Variants in RBFOX1 observed in about 807,000 individuals in gnomAD.
RBFOX1 encodes the protein RNA binding protein fox-1 homolog 1.
Under a neutral mutation model 57.7 loss-of-function variants are expected in RBFOX1, and 8 were observed. That is an observed-to-expected ratio of 0.14 (90% CI 0.08 to 0.25). The LOEUF (loss-of-function observed/expected upper bound fraction) is 0.25. Among genes scored for constraint, RBFOX1 ranks in the 10% least tolerant of loss-of-function variants. RBFOX1 has a pLI of 1.00. For missense variants in RBFOX1, 611 were observed against 548.5 expected (o/e 1.11, Z -1.14); for synonymous variants, 326 against 222.4 (o/e 1.47, Z -4.15).
intron 11 of RBFOX1, 34 bp from the exon 12 acceptor site, chr16:7,653,781 G>A (rs1272558697): frequency 6.5e-7 from 1 of 1,529,588 alleles, no homozygotes. Flanking sequence ...CTGACAGCCT[G>A]TGCTCTCTCT....
chr16:7,492,554 C>T (rs912126791), intron 4 of RBFOX1, among the ~76,000 whole-genome samples: 2 of 152,128 alleles, frequency 1.3e-5, no homozygotes. Context: ...AATTAAAATT[C>T]AGTTTCTTAG....
chr16:6,677,668 A>C (rs989788280), intron 3 of RBFOX1, among the ~76,000 whole-genome samples: 1 of 152,200 alleles, frequency 6.6e-6, no homozygotes, highest in African/African-American at 2.4e-5. Flanking sequence ...GGGCTGTTCC[A>C]AAGTTGGACG....
At chr16:5,777,061 G>T (rs1158740417) in intron 3 of RBFOX1, among the ~76,000 whole-genome samples, 1 of 152,222 alleles carries the variant, frequency 6.6e-6, no homozygotes, top group Non-Finnish European at 1.5e-5. Flanking sequence ...CTAATGCCCT[G>T]ACGTCATCCA....
At chr16:5,563,292 T>C (rs2045951201) in intron 2 of RBFOX1, among the ~76,000 whole-genome samples, 1 of 152,210 alleles carries the variant, frequency 6.6e-6, no homozygotes, top group Non-Finnish European at 1.5e-5. Flanking sequence ...CCCATGTTCA[T>C]TTCCATTTCC....
intron 14 of RBFOX1, among the ~76,000 whole-genome samples, chr16:7,681,246 G>C (rs955714903): frequency 3.3e-5 from 5 of 152,158 alleles, no homozygotes; most frequent in African/African-American, 1.2e-4. Context: ...TAGATGGATA[G>C]ATGGAGATAA....
intron 2 of RBFOX1, among the ~76,000 whole-genome samples, chr16:6,587,420 T>A (rs2097645179): frequency 6.6e-6 from 1 of 152,134 alleles, no homozygotes; most frequent in African/African-American, 2.4e-5. Context: ...TAGCTGGGAT[T>A]ACAGGTGCAC....
rs142131979 is a variant in RBFOX1 at position 5,419,256 on chromosome 16, G to T, written c.220-47960G>T. Among the ~76,000 whole-genome samples, 443 of 152,224 alleles carry T rather than the reference G, an allele frequency of 2.9e-3. 1 individual carries two copies. Among genetic ancestry groups the T allele is most frequent in the African/African-American group, 0.01 (417 of 41,534 alleles). ...ACGATCACAAGTTGAAGTGGTAGAC[G>T]GCCATAGTAGGCCGTCTACAAGCTG... On this transcript the variant is annotated intron_variant, in intron 1 of 2. Transcript: ENST00000585867.
At chr16:6,864,998 T>TC (rs1555544538) in intron 3 of RBFOX1, among the ~76,000 whole-genome samples, 2 of 106,082 alleles carry the variant, frequency 1.9e-5, no homozygotes, top group African/African-American at 3.9e-5. Context: ...TCTTTTTCTT[T>TC]TTTTTTTTTT....
intron 3 of RBFOX1, among the ~76,000 whole-genome samples, chr16:6,851,331 G>C (rs1236399633): frequency 2.0e-5 from 3 of 152,056 alleles, no homozygotes; most frequent in Non-Finnish European, 4.4e-5. Flanking sequence ...TTTGTCTGTG[G>C]ACTATTTTTT....
chr16:6,120,786 T>C (rs1463505290), intron 1 of RBFOX1, among the ~76,000 whole-genome samples: 1 of 152,204 alleles, frequency 6.6e-6, no homozygotes, highest in Non-Finnish European at 1.5e-5. Flanking sequence ...CTCCTCTTTG[T>C]AAGACGTCAG....
At chr16:6,911,735 G>A (rs947041584) in intron 3 of RBFOX1, among the ~76,000 whole-genome samples, 2 of 152,110 alleles carry the variant, frequency 1.3e-5, no homozygotes, top group African/African-American at 2.4e-5. Flanking sequence ...TTTGTATTGT[G>A]TTTATTTTAC....
intron 2 of RBFOX1, among the ~76,000 whole-genome samples, chr16:6,394,065 A>G (rs17140121): frequency 0.023 from 3,438 of 152,296 alleles, 131 homozygotes; most frequent in African/African-American, 0.078. Context: ...GCATCCTGCA[A>G]TGCAGACATC....
intron 4 of RBFOX1, among the ~76,000 whole-genome samples, chr16:7,401,445 C>A (rs1339017407): frequency 2.0e-5 from 3 of 152,086 alleles, no homozygotes; most frequent in African/African-American, 7.2e-5. Context: ...GATGGGATGG[C>A]TGTATGGATC....
chr16:5,931,834 G>T (rs1176489285), intron 4 of RBFOX1, among the ~76,000 whole-genome samples: 2 of 152,142 alleles, frequency 1.3e-5, no homozygotes, highest in Non-Finnish European at 2.9e-5. Flanking sequence ...TGTGGCATAG[G>T]TCTTGCTCTG....
chr16:7,596,264 C>G (rs1258074044), intron 8 of RBFOX1, among the ~76,000 whole-genome samples: 1 of 150,984 alleles, frequency 6.6e-6, no homozygotes, highest in Non-Finnish European at 1.5e-5. Context: ...AATATCTGGC[C>G]CCTGTTCACT....
At position 5,735,675 on chromosome 16, in the gene RBFOX1, TC is replaced by T. The variant is rs1322316091; in HGVS notation, c.319-131627del. Among the ~76,000 whole-genome samples, 7 of 152,198 alleles carry T rather than the reference TC, an allele frequency of 4.6e-5. No homozygotes were observed. In the East Asian group the frequency reaches 1.4e-3, roughly 29 times the overall value. ...GCTTTGGGAGGCCAAAGTGGGTGGG[TC>T]ACCTGAGGTCAGGAGTTTGAGACCA... is the stretch of plus-strand genomic sequence containing the variant. On this transcript the variant is annotated intron_variant, in intron 3 of 19. Transcript: ENST00000641259.
chr16:6,852,516 C>A (rs1283378556), intron 3 of RBFOX1, among the ~76,000 whole-genome samples: 1 of 152,172 alleles, frequency 6.6e-6, no homozygotes, highest in Admixed American at 6.5e-5. Context: ...GGGAACAATT[C>A]CTTGTGTCTC....
At chr16:6,284,238 G>A (rs1257943784) in intron 1 of RBFOX1, among the ~76,000 whole-genome samples, 3 of 152,058 alleles carry the variant, frequency 2.0e-5, no homozygotes, top group African/African-American at 7.2e-5. Flanking sequence ...TTTGCTATTG[G>A]TACTGAAATT....
intron 3 of RBFOX1, among the ~76,000 whole-genome samples, chr16:5,823,022 G>A (rs1344520757): frequency 1.3e-5 from 2 of 152,166 alleles, no homozygotes; most frequent in South Asian, 2.1e-4. Context: ...TAGATCTCAA[G>A]GACTTATTCA....
Sources: gnomAD v4.1 joint callset for allele counts (sites outside exome capture counted in the v4.1 genomes callset) on GRCh38, gnomAD v4.1.1 for gene constraint, MANE v1.5 for transcripts, NCBI Gene and HGNC (gene_info 2026-07-23, HGNC 2026-07-21) for gene names.